TULP4: variants seen among roughly 807,000 people sequenced by gnomAD.
TULP4 encodes the protein tubby-related protein 4.
A neutral mutation model predicts 129.0 loss-of-function variants in TULP4; 16 were observed. That is an observed-to-expected ratio of 0.12 (90% CI 0.08 to 0.19). The LOEUF is 0.19. TULP4 is among the 10% of genes least tolerant of loss of function. The pLI is 1.00. For missense variants in TULP4, 1,842 were observed against 2,059.1 expected (o/e 0.89, Z 2.04); for synonymous variants, 998 against 854.0 (o/e 1.17, Z -2.94).
intron 1 of TULP4, among the ~76,000 whole-genome samples, chr6:158,353,635 C>T (rs1285247973): frequency 6.6e-6 from 1 of 152,144 alleles, no homozygotes; most frequent in Non-Finnish European, 1.5e-5. Flanking sequence ...TTCTTTAATT[C>T]GTTCAGGTGT....
At position 158,313,137 on chromosome 6, in the gene TULP4, A is replaced by G. The variant is rs1014706611; in HGVS notation, c.-880A>G. 4.1e-5 allele frequency: 9 copies of G among 220,114 alleles called. No homozygotes were observed. Among genetic ancestry groups the G allele is most frequent in the Admixed American group, 4.1e-4 (7 of 17,266 alleles). 13.6% of individuals were successfully genotyped at this position (220,114 alleles called of 1,614,324 possible). A position where few individuals can be genotyped will look rare whatever the true frequency, so the allele number is the denominator to read the frequency against. ...AGAGGATTTAAGACTCACCCAGGGC[A>G]AACACTGGGACCACTGTAAGAGCGC... On this transcript the variant is annotated 5_prime_UTR_variant, in exon 1 of 14. Transcript: ENST00000367097.
intron 1 of TULP4, among the ~76,000 whole-genome samples, chr6:158,285,719 G>A (rs939490757): frequency 1.3e-5 from 2 of 152,104 alleles, no homozygotes; most frequent in Non-Finnish European, 2.9e-5. Context: ...TTCCCCTGTC[G>A]CCCTGCCCTG....
intron 1 of TULP4, among the ~76,000 whole-genome samples, chr6:158,354,797 A>T (rs2114813314): frequency 6.8e-6 from 1 of 147,144 alleles, no homozygotes; most frequent in South Asian, 2.4e-4. Context: ...CTGAGGCGGG[A>T]TGATTGCTTG....
chr6:158,480,942 CT>C, intron 7 of TULP4, 112 bp from the exon 8 acceptor site: 1 of 917,920 alleles, frequency 1.1e-6, no homozygotes, highest in East Asian at 2.5e-5. Context: ...CCAGCCTGTG[CT>C]CTGTCTGGAA....
intron 1 of TULP4, among the ~76,000 whole-genome samples, chr6:158,294,863 C>A (rs1378145550): frequency 1.3e-5 from 2 of 152,196 alleles, no homozygotes; most frequent in Non-Finnish European, 2.9e-5. Context: ...TCCTGAGTAG[C>A]CGGGACTACA....
Position 158,377,232 on chromosome 6 carries a change from T to A in TULP4, c.253-35833T>A, listed in dbSNP as rs531314499. ...GCACTGTCTTACACACACAGTAACA[T>A]CTCTGTGGCTAAGTAACTTACAGTT... On this transcript the variant is annotated intron_variant, in intron 1 of 13. Transcript: ENST00000367097. 5.9e-5 allele frequency among the ~76,000 whole-genome samples: 9 copies of A among 152,316 alleles called. No individual in the cohort carries two copies. The South Asian group carries it at 1.5e-3, about 25-fold the overall frequency.
At chr6:158,248,343 C>T (rs1778070587) in intron 1 of TULP4, among the ~76,000 whole-genome samples, 2 of 151,998 alleles carry the variant, frequency 1.3e-5, no homozygotes, top group Admixed American at 1.3e-4. Context: ...AATCTTGGCT[C>T]ACTGCAAGCT....
At chr6:158,331,771 G>GTGTATATA (rs1779897029) in intron 1 of TULP4, among the ~76,000 whole-genome samples, 1 of 30,828 alleles carries the variant, frequency 3.2e-5, no homozygotes. Flanking sequence ...ATATATACAC[G>GTGTATATA]TATATATACA....
At chr6:158,457,933 A>G (rs543669068) in intron 5 of TULP4, among the ~76,000 whole-genome samples, 2 of 151,306 alleles carry the variant, frequency 1.3e-5, no homozygotes, top group African/African-American at 4.9e-5. Flanking sequence ...AGGAAAAAAA[A>G]ATGTACCTGT....
At chr6:158,489,556 C>G (rs539710417) in intron 8 of TULP4, 32 bp from the exon 9 acceptor site, 1 of 1,613,334 alleles carries the variant, frequency 6.2e-7, no homozygotes, top group Non-Finnish European at 8.5e-7. Context: ...GATATAACTT[C>G]CCTTGAAATC....
At chr6:158,293,605 A>G (rs1778980353) in intron 1 of TULP4, among the ~76,000 whole-genome samples, 1 of 152,218 alleles carries the variant, frequency 6.6e-6, no homozygotes, top group Non-Finnish European at 1.5e-5. Context: ...TCTGTGTGCC[A>G]CACCTGAAAG....
At chr6:158,385,672 T>C (rs976509188) in intron 1 of TULP4, among the ~76,000 whole-genome samples, 1 of 149,012 alleles carries the variant, frequency 6.7e-6, no homozygotes, top group African/African-American at 2.4e-5. Flanking sequence ...CAAATATACA[T>C]GTTTTATATA....
chr6:158,257,018 G>A (rs1334813863), intron 1 of TULP4, among the ~76,000 whole-genome samples: 19 of 152,138 alleles, frequency 1.2e-4, no homozygotes, highest in Admixed American at 1.2e-3. Context: ...TCTGAGGAGT[G>A]AGGAACTGTT....
chr6:158,254,057 G>A (rs182748599), intron 1 of TULP4, among the ~76,000 whole-genome samples: 1 of 151,992 alleles, frequency 6.6e-6, no homozygotes, highest in East Asian at 1.9e-4. Flanking sequence ...AAAGAAAACA[G>A]TGAGAATCTG....
At chr6:158,287,846 A>G (rs1205419049) in intron 1 of TULP4, among the ~76,000 whole-genome samples, 3 of 152,218 alleles carry the variant, frequency 2.0e-5, no homozygotes, top group Non-Finnish European at 4.4e-5. Flanking sequence ...AGGTAGGTGT[A>G]TGGCCCTTCT....
intron 1 of TULP4, among the ~76,000 whole-genome samples, chr6:158,371,332 G>A (rs1467830036): frequency 6.6e-6 from 1 of 152,200 alleles, no homozygotes; most frequent in Non-Finnish European, 1.5e-5. Flanking sequence ...GGGCTGGCTT[G>A]AGCCACAGCT....
chr6:158,411,790 C>T (rs1778106482), intron 1 of TULP4, among the ~76,000 whole-genome samples: 1 of 151,998 alleles, frequency 6.6e-6, no homozygotes, highest in Non-Finnish European at 1.5e-5. Context: ...TTGAGAAGTC[C>T]CGGGGTTTAT....
intron 1 of TULP4, among the ~76,000 whole-genome samples, chr6:158,318,899 A>ATTT (rs56898948): frequency 2.2e-5 from 3 of 136,942 alleles, no homozygotes; most frequent in African/African-American, 8.4e-5. Context: ...CTAGTTACAA[A>ATTT]TTTTTTTTTT....
At chr6:158,365,568 G>A (rs373177543) in intron 1 of TULP4, among the ~76,000 whole-genome samples, 21 of 147,030 alleles carry the variant, frequency 1.4e-4, no homozygotes, top group African/African-American at 2.0e-4. Flanking sequence ...GCTCCGCCTC[G>A]CAGGTTCACG....
Sources: gnomAD v4.1 joint callset for allele counts (sites outside exome capture counted in the v4.1 genomes callset) on GRCh38, gnomAD v4.1.1 for gene constraint, MANE v1.5 for transcripts, NCBI Gene and HGNC (gene_info 2026-07-23, HGNC 2026-07-21) for gene names.